The following XIRP2 variants were observed in gnomAD, a reference collection of about 807,000 sequenced individuals.
The protein encoded by XIRP2 is xin actin-binding repeat-containing protein 2.
A neutral mutation model predicts 277.0 loss-of-function variants in XIRP2; 236 were observed. The ratio of observed to expected loss-of-function variants is 0.85; its 90% CI spans 0.77 to 0.95. The LOEUF (loss-of-function observed/expected upper bound fraction) is 0.95, where lower values mean the gene tolerates loss of function less well. XIRP2 is among the 40% of genes least tolerant of loss of function. XIRP2 has a pLI of 0.00. For missense variants in XIRP2, 4,640 were observed against 4,157.5 expected (o/e 1.12, Z -3.19); for synonymous variants, 1,490 against 1,416.5 (o/e 1.05, Z -1.17).
At chr2:166,937,215 T>C (rs1685544095) in intron 2 of XIRP2, among the ~76,000 whole-genome samples, 1 of 152,210 alleles carries the variant, frequency 6.6e-6, no homozygotes, top group Non-Finnish European at 1.5e-5. Flanking sequence ...CGTATGATAT[T>C]GGCTGTGGGT....
Position 166,944,332 on chromosome 2 carries a change from T to A in XIRP2, c.408+40442T>A, listed in dbSNP as rs1312289282. Among the ~76,000 whole-genome samples, 3 of 152,246 alleles carry A rather than the reference T, an allele frequency of 2.0e-5. No individual in the cohort carries two copies. In the East Asian group the frequency reaches 5.8e-4, roughly 29 times the overall value. On this transcript the variant is annotated intron_variant, in intron 2 of 10. Coordinates refer to ENST00000409195, the MANE Select transcript of XIRP2 (RefSeq NM_152381.6). ...GTTGTATCTCCAAAGAAAATAATTC[T>A]GCCTCCTGTTCGTAAGTTGCCTCAT...
chr2:166,908,690 CATGCCTATGTCCTGAATGGT>C (rs1684603405), intron 2 of XIRP2, among the ~76,000 whole-genome samples: 1 of 152,178 alleles, frequency 6.6e-6, no homozygotes, highest in South Asian at 2.1e-4. Flanking sequence ...AGTCCTTGCC[CATGCCTATGTCCTGAATGGT>C]ATAGCCTAGG....
chr2:167,249,961 G>C lies in XIRP2; in HGVS notation c.8569G>C (p.Val2857Leu), dbSNP rs750716351. ...AGCACCAAAGGTCGTCAAGCAAAAG[G>C]TTATCGATGCACATCTTGATTCACA... Reference protein sequence around the residue: ...KSAPKVVKQKVIDAHLDSQTQ... With the variant: ...KSAPKVVKQKLIDAHLDSQTQ... The change falls in exon 9 of 11, where the codon GTT becomes CTT. Residue 2857 changes from valine (V) to leucine (L), a missense_variant. Transcript: ENST00000409195. 4 of 1,613,426 alleles carry C rather than the reference G, an allele frequency of 2.5e-6. No individual in the cohort carries two copies. The East Asian group carries it at 8.9e-5, about 36-fold the overall frequency.
intron 2 of XIRP2, among the ~76,000 whole-genome samples, chr2:167,084,265 C>A (rs1047722044): frequency 1.3e-5 from 2 of 152,164 alleles, no homozygotes; most frequent in African/African-American, 4.8e-5. Context: ...GTATATTGAA[C>A]CAGCCTTGCA....
chr2:167,237,477 A>T (rs1694934830), intron 5 of XIRP2, among the ~76,000 whole-genome samples: 1 of 151,992 alleles, frequency 6.6e-6, no homozygotes. Flanking sequence ...TTAGCAAGTG[A>T]TAGTGATGGT....
At chr2:167,073,733 T>C (rs1689493634) in intron 2 of XIRP2, among the ~76,000 whole-genome samples, 1 of 152,162 alleles carries the variant, frequency 6.6e-6, no homozygotes, top group Admixed American at 6.5e-5. Flanking sequence ...CTCACAAATA[T>C]GAAATACTTT....
intron 5 of XIRP2, among the ~76,000 whole-genome samples, chr2:167,223,683 G>A (rs778081003): frequency 3.9e-5 from 6 of 152,100 alleles, no homozygotes; most frequent in Non-Finnish European, 5.9e-5. Flanking sequence ...TCCCTGCCAC[G>A]TACATAATTC....
In XIRP2 at chr2:167,241,788, C is replaced by T; in HGVS notation, c.1054C>T (p.Pro352Ser). ...TTTTCTGTTTGTAGTCATTGATACACCTGAGGATGAAGAGATTCCAAAGGT... is the reference window on the plus strand; with the variant it reads ...TTTTCTGTTTGTAGTCATTGATACATCTGAGGATGAAGAGATTCCAAAGGT... ...QYVQETVIDT[P>S]EDEEIPKVST... Residue 352 changes from proline (P) to serine (S), a missense_variant, in exon 8 of 11, where the codon CCT (proline) becomes TCT (serine). Pro to Ser is a moderately conservative substitution (Grantham distance 74). Transcript: ENST00000409195. The T allele has an allele frequency of 1.2e-6, 2 of 1,609,832 alleles. No individual in the cohort carries two copies. The highest frequency in any genetic ancestry group is 2.2e-5 in the South Asian group (2 of 90,332).
chr2:166,962,213 G>T (rs1016053017), intron 2 of XIRP2, among the ~76,000 whole-genome samples: 1 of 151,712 alleles, frequency 6.6e-6, no homozygotes, highest in African/African-American at 2.4e-5. Context: ...CATCTAAACA[G>T]TCTTTGCTGA....
intron 2 of XIRP2, among the ~76,000 whole-genome samples, chr2:166,923,883 A>G (rs1685120399): frequency 6.6e-6 from 1 of 152,096 alleles, no homozygotes; most frequent in South Asian, 2.1e-4. Flanking sequence ...ATGACAGGCT[A>G]TGTCTAACCT....
chr2:167,252,298 G>A (rs1284766777), intron 9 of XIRP2, among the ~76,000 whole-genome samples: 1 of 151,780 alleles, frequency 6.6e-6, no homozygotes, highest in Non-Finnish European at 1.5e-5. Flanking sequence ...ATATCCTTTG[G>A]CCTAATATTG....
In XIRP2 at chr2:167,224,201, G is replaced by A. The variant is rs552041647; in HGVS notation, c.858+5901G>A. 3.3e-5 allele frequency among the ~76,000 whole-genome samples: 5 copies of A among 152,062 alleles called. No homozygotes were observed. In the South Asian group the frequency reaches 1.0e-3, roughly 32 times the overall value. On this transcript the variant is annotated intron_variant, in intron 5 of 10. Transcript: ENST00000409195. ...CCCTCATGACTAACTACCTCTTAGA[G>A]TTCTCACCTCCCAATACTATCACAA...
chr2:167,218,186 G>A lies in XIRP2; in HGVS notation c.744G>A (p.Met248Ile). The A allele has an allele frequency of 1.9e-6, 3 of 1,597,430 alleles. No homozygotes were observed. Among genetic ancestry groups the A allele is most frequent in the South Asian group, 1.1e-5 (1 of 87,776 alleles). The change falls in exon 5 of 11, where the codon ATG becomes ATA. Residue 248 changes from methionine to isoleucine, a missense_variant. Physicochemically the swap from Met to Ile is conservative, Grantham distance 10. Transcript: ENST00000409195. ...CCTAGATGATGGAAGAATCAGAAAT[G>A]TGCGCAGTGCCTGGTGGTTTGGCCA... ...FSANMMEESE[M>I]CAVPGGLAKV...
At chr2:167,160,713 T>C (rs976960586) in intron 3 of XIRP2, among the ~76,000 whole-genome samples, 6 of 152,128 alleles carry the variant, frequency 3.9e-5, no homozygotes, top group Non-Finnish European at 5.9e-5. Flanking sequence ...TGAGATTTGG[T>C]TGGGGACACA....
chr2:167,201,273 A>AAGGAAGG (rs1559018492), intron 3 of XIRP2, among the ~76,000 whole-genome samples: 5 of 100,806 alleles, frequency 5.0e-5, no homozygotes, highest in African/African-American at 3.7e-4. Context: ...AGAGAGGGAG[A>AAGGAAGG]AAGGAAAGAA....
chr2:167,013,471 C>G (rs959589909), intron 2 of XIRP2, among the ~76,000 whole-genome samples: 1 of 151,416 alleles, frequency 6.6e-6, no homozygotes, highest in African/African-American at 2.4e-5. Context: ...TGAGATACTG[C>G]ATTTTTAATA....
At chr2:167,168,279 A>T (rs1234030590) in intron 3 of XIRP2, among the ~76,000 whole-genome samples, 1 of 152,100 alleles carries the variant, frequency 6.6e-6, no homozygotes, top group Admixed American at 6.5e-5. Flanking sequence ...TTGGTGTCTA[A>T]CATTACTTTG....
intron 2 of XIRP2, among the ~76,000 whole-genome samples, chr2:166,980,633 G>C (rs780488611): frequency 5.3e-5 from 8 of 152,030 alleles, no homozygotes; most frequent in Non-Finnish European, 8.8e-5. Context: ...GGCCAGGCTG[G>C]TCTCGAGCTC....
intron 2 of XIRP2, among the ~76,000 whole-genome samples, chr2:167,030,120 C>G (rs975679985): frequency 6.6e-6 from 1 of 151,972 alleles, no homozygotes; most frequent in Non-Finnish European, 1.5e-5. Flanking sequence ...CTTTATTAGT[C>G]TGGCTAGCAG....
Sources: gnomAD v4.1 joint callset for allele counts (sites outside exome capture counted in the v4.1 genomes callset) on GRCh38, gnomAD v4.1.1 for gene constraint, MANE v1.5 for transcripts, NCBI Gene and HGNC (gene_info 2026-07-23, HGNC 2026-07-21) for gene names.